The following PLPPR2 variants were observed in gnomAD, a reference collection of about 807,000 sequenced individuals.
PLPPR2 encodes the protein phospholipid phosphatase-related protein type 2.
Under a neutral mutation model 40.3 loss-of-function variants are expected in PLPPR2, and 11 were observed. That is an observed-to-expected ratio of 0.27 (90% confidence interval 0.17 to 0.45). The LOEUF is 0.45. PLPPR2 is among the 20% of genes least tolerant of loss of function. The pLI is 1.00. For synonymous variants in PLPPR2, 260 were observed against 290.8 expected (o/e 0.89, Z 1.08); for missense variants, 497 against 640.7 (o/e 0.78, Z 2.42).
rs11540666 is a variant in PLPPR2, at chr19:11,362,682, C to G, written c.833C>G (p.Thr278Ser). ...TTCCTGACAGGGGCGGCCATCGCCA[C>G]CTTTTTGGTGAGTTGCCTCCTCAAC... Reference protein sequence around the residue: ...AGFLTGAAIATFLVTCVVHNF... With the variant: ...AGFLTGAAIASFLVTCVVHNF... The change falls in exon 7 of 10, where the codon ACC becomes AGC. Residue 278 changes from threonine (T) to serine (S), a missense_variant. Physicochemically the swap from Thr to Ser is moderately conservative, Grantham distance 58. Coordinates refer to ENST00000688289, the MANE Select transcript of PLPPR2 (RefSeq NM_001393892.1). This position sits in a 1 kb window ranked among gnomAD's most constrained non-coding sequence, Gnocchi z 5.3. 0.073 allele frequency: 117,663 copies of G among 1,611,896 alleles called. 4,839 individuals are homozygous for G. The highest frequency in any genetic ancestry group is 0.13 in the South Asian group (12,164 of 90,934).
In PLPPR2 at chr19:11,357,642, C is replaced by T. The variant is rs756875621; in HGVS notation, c.-14-18C>T. ...AGGCACACCCCCTGGGACTCCCACTCCCTCCCCACCTCTGCAGGCCTGGCC... is the reference window on the plus strand; with the variant it reads ...AGGCACACCCCCTGGGACTCCCACTTCCTCCCCACCTCTGCAGGCCTGGCC... On this transcript the variant is annotated intron_variant, in intron 2 of 9. Coordinates refer to ENST00000688289, the MANE Select transcript of PLPPR2 (RefSeq NM_001393892.1). The T allele has an allele frequency of 6.3e-7, 1 of 1,574,972 alleles. No homozygotes were observed. Among genetic ancestry groups the T allele is most frequent in the South Asian group, 1.2e-5 (1 of 86,598 alleles).
Position 11,362,329 on chromosome 19 carries a change from C to CGGTGGGG in PLPPR2, c.664-184_664-183insGGTGGGG. On this transcript the variant is annotated intron_variant, in intron 6 of 9. Coordinates refer to ENST00000688289, the MANE Select transcript of PLPPR2 (RefSeq NM_001393892.1). The surrounding 1 kb of genome is among the most constrained non-coding windows in gnomAD (Gnocchi z 5.3). ...AGACCTCAATCCCTGACCCCCCCCC[C>CGGTGGGG]TTTGCCTTTTTGGTCACGCTCCCTG... The CGGTGGGG allele has an allele frequency of 1.7e-6, 1 of 576,862 alleles. No homozygotes were observed. 35.7% of individuals were successfully genotyped at this position (576,862 alleles called of 1,614,324 possible).
chr19:11,362,364 A>C lies in PLPPR2; in HGVS notation c.664-149A>C. 5.7e-5 allele frequency: 36 copies of C among 632,164 alleles called. No homozygotes were observed. The highest frequency in any genetic ancestry group is 1.7e-4 in the South Asian group (8 of 47,968). 39.2% of individuals were successfully genotyped at this position (632,164 alleles called of 1,614,324 possible). On this transcript the variant is annotated intron_variant, in intron 6 of 9. Coordinates refer to ENST00000688289, the MANE Select transcript of PLPPR2 (RefSeq NM_001393892.1). This position sits in a 1 kb window ranked among gnomAD's most constrained non-coding sequence, Gnocchi z 5.3. ...TTGGTCACGCTCCCTGGAAAAGCCC[A>C]CTGGGAGCCCATGACTCCAACCCTG...
rs907791511 is a variant in PLPPR2 at position 11,362,325 on chromosome 19, C to G, written c.664-188C>G. The G allele has an allele frequency of 5.2e-6, 3 of 575,702 alleles. No individual in the cohort carries two copies. The highest frequency in any genetic ancestry group is 5.9e-5 in the East Asian group (2 of 33,866). The allele number at this position is 575,702 out of a possible 1,614,324, so 35.7% of individuals were successfully genotyped here. The stretch of plus-strand genomic sequence containing the variant: ...TCCAAGACCTCAATCCCTGACCCCC[C>G]CCCCTTTGCCTTTTTGGTCACGCTC... On this transcript the variant is annotated intron_variant, in intron 6 of 9. Coordinates refer to ENST00000688289, the MANE Select transcript of PLPPR2 (RefSeq NM_001393892.1). The surrounding 1 kb of genome is among the most constrained non-coding windows in gnomAD (Gnocchi z 5.3).
chr19:11,358,747 C>T (rs1024999129), intron 3 of PLPPR2, among the ~76,000 whole-genome samples: 5 of 150,864 alleles, frequency 3.3e-5, no homozygotes, highest in African/African-American at 1.2e-4. Context: ...TGGAGTCTTG[C>T]TCCGCTGCCC....
rs1033012417 is a variant in PLPPR2 at position 11,364,084 on chromosome 19, C to T, written c.964-77C>T. On this transcript the variant is annotated intron_variant, in intron 8 of 9. Transcript: ENST00000688289. The surrounding 1 kb of genome is among the most constrained non-coding windows in gnomAD (Gnocchi z 5.8). ...GTTGTCTTTTCCATGGGGCTCTTCA[C>T]CTGATGAGCTCCTTGTGGCTGTGGC... 5.6e-5 allele frequency: 84 copies of T among 1,512,718 alleles called. No homozygotes were observed. The highest frequency in any genetic ancestry group is 3.5e-4 in the Middle Eastern group (2 of 5,694). 93.7% of individuals were successfully genotyped at this position (1,512,718 alleles called of 1,614,324 possible). A position where few individuals can be genotyped will look rare whatever the true frequency, so the allele number is the denominator to read the frequency against.
At chr19:11,357,575 CAG>C (rs878921339) in intron 2 of PLPPR2, 83 bp from the exon 3 acceptor site, 119 of 977,314 alleles carry the variant, frequency 1.2e-4, no homozygotes, top group South Asian at 8.8e-4. Flanking sequence ...CCAAAGGACT[CAG>C]GGGATGAAGC....
intron 3 of PLPPR2, among the ~76,000 whole-genome samples, chr19:11,358,365 T>G (rs1967951589): frequency 6.6e-6 from 1 of 151,952 alleles, no homozygotes; most frequent in Non-Finnish European, 1.5e-5. Context: ...CTCCTAGGGC[T>G]GTTCTAAAGG....
rs138014828 is a variant in PLPPR2, at chr19:11,358,100, G to C, written c.66+361G>C. On this transcript the variant is annotated intron_variant, in intron 3 of 9. Coordinates refer to ENST00000688289, the MANE Select transcript of PLPPR2 (RefSeq NM_001393892.1). ...GATAGGGTCTCACTCTGTCACCCAGGCTGGAGTGCAGTGGCATAATCTCGG... is the reference window on the plus strand; with the variant it reads ...GATAGGGTCTCACTCTGTCACCCAGCCTGGAGTGCAGTGGCATAATCTCGG... Among the ~76,000 whole-genome samples the C allele has an allele frequency of 1.9e-3, 282 of 152,012 alleles. 1 individual carries two copies. Among genetic ancestry groups the C allele is most frequent in the African/African-American group, 6.5e-3 (268 of 41,434 alleles).
At position 11,362,420 on chromosome 19, in the gene PLPPR2, G is replaced by A. The variant is rs764154243; in HGVS notation, c.664-93G>A. On this transcript the variant is annotated intron_variant, in intron 6 of 9. Coordinates refer to ENST00000688289, the MANE Select transcript of PLPPR2 (RefSeq NM_001393892.1). This position sits in a 1 kb window ranked among gnomAD's most constrained non-coding sequence, Gnocchi z 5.3. ...CCTGGCCACTCCCTCCAGCCCCAAC[G>A]CTCTGGCCATGCGCTCTAGCCCAGA... The A allele has an allele frequency of 1.6e-4, 230 of 1,440,436 alleles. No individual in the cohort carries two copies. Among genetic ancestry groups the A allele is most frequent in the Non-Finnish European group, 2.1e-4 (217 of 1,054,584 alleles). The allele number at this position is 1,440,436 out of a possible 1,614,324, so 89.2% of individuals were successfully genotyped here. A position where few individuals can be genotyped will look rare whatever the true frequency, so the allele number is the denominator to read the frequency against.
intron 5 of PLPPR2, among the ~76,000 whole-genome samples, 192 bp downstream of exon 5, chr19:11,360,148 T>C (rs942724480): frequency 6.6e-6 from 1 of 152,092 alleles, no homozygotes; most frequent in African/African-American, 2.4e-5. Flanking sequence ...CTGGCCAACA[T>C]GGCGAAACCC....
rs1304531089 is a variant in PLPPR2, at chr19:11,362,780, A to G, written c.840+91A>G. 5.1e-5 allele frequency: 71 copies of G among 1,391,010 alleles called. No individual in the cohort carries two copies. Among genetic ancestry groups the G allele is most frequent in the Middle Eastern group, 1.9e-4 (1 of 5,264 alleles). The allele number at this position is 1,391,010 out of a possible 1,614,324, so 86.2% of individuals were successfully genotyped here. On this transcript the variant is annotated intron_variant, in intron 7 of 9. Transcript: ENST00000688289. This position sits in a 1 kb window ranked among gnomAD's most constrained non-coding sequence, Gnocchi z 5.3. ...GACCACATGATGGAGAAGGGTGTGG[A>G]CTCTGTGTGACCTTGGGCCAATCCC...
chr19:11,357,734 G>C lies in PLPPR2; in HGVS notation c.61G>C (p.Val21Leu). 6.2e-7 allele frequency: 1 copy of C among 1,605,314 alleles called. No individual in the cohort carries two copies. Among genetic ancestry groups the C allele is most frequent in the Non-Finnish European group, 8.5e-7 (1 of 1,175,416 alleles). Residue 21 changes from valine (V) to leucine (L), a missense_variant, in exon 3 of 10, where the codon GTG becomes CTG. By Grantham distance (32) the Val-to-Leu change is conservative. Coordinates refer to ENST00000688289, the MANE Select transcript of PLPPR2 (RefSeq NM_001393892.1). ...CTCCATCATCCCCTGCTTTGTCTTC[G>C]TGGAGGTGAGGACCCCCGTACCTCT... The part of the protein sequence containing the change: ...SFSIIPCFVF[V>L]ESVLLGIVIL...
At chr19:11,356,435 T>C (rs1319807874) in intron 1 of PLPPR2, among the ~76,000 whole-genome samples, 3 of 147,382 alleles carry the variant, frequency 2.0e-5, no homozygotes, top group African/African-American at 7.6e-5. Flanking sequence ...GACATGTCTC[T>C]CTCTGTTTGG....
Position 11,361,739 on chromosome 19 carries a change from T to C in PLPPR2, c.663+251T>C, listed in dbSNP as rs968318118. ...CTGGCCACGCCTCCTGAGCCAGTAA[T>C]GCGAGGGAAACTGTTGGCTCTACCC... is the stretch of plus-strand genomic sequence containing the variant. On this transcript the variant is annotated intron_variant, in intron 6 of 9. Coordinates refer to ENST00000688289, the MANE Select transcript of PLPPR2 (RefSeq NM_001393892.1). This position sits in a 1 kb window ranked among gnomAD's most constrained non-coding sequence, Gnocchi z 6.3. 6.6e-6 allele frequency among the ~76,000 whole-genome samples: 1 copy of C among 151,854 alleles called. No individual in the cohort carries two copies. Among genetic ancestry groups the C allele is most frequent in the African/African-American group, 2.4e-5 (1 of 41,330 alleles).
rs758637710 is a variant in PLPPR2, at chr19:11,359,769, G to T, written c.255+49G>T. On this transcript the variant is annotated intron_variant, in intron 4 of 9. Transcript: ENST00000688289. The surrounding 1 kb of genome is among the most constrained non-coding windows in gnomAD (Gnocchi z 5.6). ...GAGGCAGGTGGGCCGGTAAGGGTGG[G>T]TGAGGGGATGGGCTGGAAGGCCAGA... 6.3e-7 allele frequency: 1 copy of T among 1,584,808 alleles called. No homozygotes were observed.
Position 11,363,870 on chromosome 19 carries a change from G to A in PLPPR2, c.963+35G>A. Reference sequence around the variant, plus strand: ...GCCGGGGGCTGCTCCCGGCTGGAGAGGGTGGTGGGTGGAGGGGGCCAAGGA... The same window carrying A: ...GCCGGGGGCTGCTCCCGGCTGGAGAAGGTGGTGGGTGGAGGGGGCCAAGGA... On this transcript the variant is annotated intron_variant, in intron 8 of 9. Coordinates refer to ENST00000688289, the MANE Select transcript of PLPPR2 (RefSeq NM_001393892.1). This position sits in a 1 kb window ranked among gnomAD's most constrained non-coding sequence, Gnocchi z 4.8. 6.3e-7 allele frequency: 1 copy of A among 1,598,576 alleles called. No homozygotes were observed. Among genetic ancestry groups the A allele is most frequent in the Non-Finnish European group, 8.5e-7 (1 of 1,171,388 alleles).
Position 11,359,855 on chromosome 19 carries a change from CT to C in PLPPR2, c.291del (p.Ala98HisfsTer53). 6.2e-7 allele frequency: 1 copy of C among 1,613,648 alleles called. No homozygotes were observed. Among genetic ancestry groups the C allele is most frequent in the Non-Finnish European group, 8.5e-7 (1 of 1,179,682 alleles). ...LLGELARAFF[P>X]APPSAVPVIG... ...GGAGAGCTGGCGCGTGCCTTTTTCC[CT>C]GCACCACCTTCAGCCGTCCCAGTCA... is the stretch of plus-strand genomic sequence containing the variant. On this transcript the variant is annotated frameshift_variant, in exon 5 of 10. Coordinates refer to ENST00000688289, the MANE Select transcript of PLPPR2 (RefSeq NM_001393892.1). LOFTEE classifies it high-confidence loss of function. The surrounding 1 kb of genome is among the most constrained non-coding windows in gnomAD (Gnocchi z 5.6).
Position 11,361,551 on chromosome 19 carries a change from G to C in PLPPR2, c.663+63G>C. ...CAGGCTGGACAGCGACCAGCAGCTA[G>C]GAAGCCGCCAGGGTTGGAGCCTCTG... On this transcript the variant is annotated intron_variant, in intron 6 of 9. Coordinates refer to ENST00000688289, the MANE Select transcript of PLPPR2 (RefSeq NM_001393892.1). This position sits in a 1 kb window ranked among gnomAD's most constrained non-coding sequence, Gnocchi z 6.3. 6.5e-7 allele frequency: 1 copy of C among 1,538,710 alleles called. No homozygotes were observed. Among genetic ancestry groups the C allele is most frequent in the Non-Finnish European group, 8.7e-7 (1 of 1,146,750 alleles).
Sources: allele counts gnomAD v4.1 joint callset (sites outside exome capture counted in the v4.1 genomes callset), GRCh38; gene constraint gnomAD v4.1.1; non-coding constraint Gnocchi (gnomAD v3.1); transcripts MANE v1.5; gene names NCBI Gene and HGNC (gene_info 2026-07-23, HGNC 2026-07-21).